CNTN5: variants seen among roughly 807,000 people sequenced by gnomAD.
CNTN5 encodes the protein contactin-5.
A neutral mutation model predicts 129.1 loss-of-function variants in CNTN5; 77 were observed. That is an observed-to-expected ratio of 0.60 (90% CI 0.50 to 0.72). The LOEUF (loss-of-function observed/expected upper bound fraction) is 0.72. Among genes scored for constraint, CNTN5 ranks in the 30% least tolerant of loss-of-function variants. The pLI, the probability that CNTN5 is intolerant of heterozygous loss-of-function variation, is 0.00. For missense variants in CNTN5, 1,478 were observed against 1,328.8 expected (o/e 1.11, Z -1.75); for synonymous variants, 509 against 465.6 (o/e 1.09, Z -1.20).
chr11:99,239,909 C>T (rs556935591), intron 1 of CNTN5, among the ~76,000 whole-genome samples: 1 of 148,852 alleles, frequency 6.7e-6, no homozygotes, highest in African/African-American at 2.5e-5. Flanking sequence ...TGTGCTCCAG[C>T]CTGGGCGACA....
chr11:99,544,477 T>C (rs536024067), intron 2 of CNTN5, among the ~76,000 whole-genome samples: 45 of 152,328 alleles, frequency 3.0e-4, no homozygotes, highest in African/African-American at 1.0e-3. Context: ...CATAATGAAA[T>C]TATTATCTGC....
At chr11:99,727,077 C>T (rs1479859887) in intron 3 of CNTN5, among the ~76,000 whole-genome samples, 4 of 150,828 alleles carry the variant, frequency 2.7e-5, no homozygotes, top group African/African-American at 7.3e-5. Context: ...GAGGCCGAGG[C>T]TGGTGGATCA....
At chr11:99,600,337 TC>T (rs1379523774) in intron 3 of CNTN5, among the ~76,000 whole-genome samples, 2 of 152,162 alleles carry the variant, frequency 1.3e-5, no homozygotes, top group Non-Finnish European at 2.9e-5. Context: ...AGGTTCATGT[TC>T]CCTGCTGAAA....
At chr11:100,006,409 C>T (rs1185869169) in intron 9 of CNTN5, among the ~76,000 whole-genome samples, 1 of 152,064 alleles carries the variant, frequency 6.6e-6, no homozygotes, top group Non-Finnish European at 1.5e-5. Context: ...GGAGTCAATC[C>T]TCTCTAACTC....
At chr11:100,074,081 A>G (rs1184717445) in intron 12 of CNTN5, 63 bp from the exon 13 acceptor site, 1 of 1,430,614 alleles carries the variant, frequency 7.0e-7, no homozygotes, top group Non-Finnish European at 9.6e-7. Flanking sequence ...GATCTTCATG[A>G]ATCACCCATT....
intron 13 of CNTN5, among the ~76,000 whole-genome samples, chr11:100,102,829 A>G (rs1181461483): frequency 1.3e-5 from 2 of 152,104 alleles, no homozygotes; most frequent in Non-Finnish European, 2.9e-5. Flanking sequence ...ATTACCAGCA[A>G]TCTGAACATT....
intron 3 of CNTN5, among the ~76,000 whole-genome samples, chr11:99,642,505 A>G (rs1346769750): frequency 6.6e-6 from 1 of 152,128 alleles, no homozygotes; most frequent in African/African-American, 2.4e-5. Flanking sequence ...AATTGTACAT[A>G]TTTACAGGGT....
intron 6 of CNTN5, among the ~76,000 whole-genome samples, chr11:99,911,792 C>A (rs777224578): frequency 6.6e-6 from 1 of 151,102 alleles, no homozygotes; most frequent in Non-Finnish European, 1.5e-5. Context: ...GTTTCTCTGC[C>A]AACTCTATTA....
intron 3 of CNTN5, among the ~76,000 whole-genome samples, chr11:99,781,666 G>C (rs962787239): frequency 1.3e-5 from 2 of 151,952 alleles, no homozygotes; most frequent in African/African-American, 4.8e-5. Flanking sequence ...AACAATTATG[G>C]GTTTCAATTC....
intron 9 of CNTN5, among the ~76,000 whole-genome samples, chr11:100,044,357 G>A (rs781721410): frequency 5.9e-5 from 9 of 152,164 alleles, no homozygotes; most frequent in Middle Eastern, 3.4e-3. Context: ...CAATGAAATT[G>A]CTGAATTGAA....
intron 3 of CNTN5, among the ~76,000 whole-genome samples, chr11:99,620,495 CTT>C (rs1025380114): frequency 1.6e-5 from 2 of 126,386 alleles, no homozygotes; most frequent in African/African-American, 5.4e-5. Flanking sequence ...TCTTAAAACT[CTT>C]TTTTTCTTTT....
intron 13 of CNTN5, among the ~76,000 whole-genome samples, chr11:100,074,729 C>T (rs1944057881): frequency 6.6e-6 from 1 of 152,052 alleles, no homozygotes. Context: ...TATGCCAATG[C>T]TTGTCTTTTT....
intron 13 of CNTN5, among the ~76,000 whole-genome samples, chr11:100,147,553 A>G (rs1946894040): frequency 6.6e-6 from 1 of 151,960 alleles, no homozygotes; most frequent in African/African-American, 2.4e-5. Context: ...GGAAGCCGCG[A>G]TTTATACACA....
At chr11:99,346,803 C>A (rs1937911806) in intron 2 of CNTN5, among the ~76,000 whole-genome samples, 1 of 152,194 alleles carries the variant, frequency 6.6e-6, no homozygotes, top group Admixed American at 6.5e-5. Context: ...CACAAGCTCG[C>A]TCTCTCCTGT....
intron 3 of CNTN5, among the ~76,000 whole-genome samples, chr11:99,586,140 T>C (rs1456526147): frequency 6.6e-6 from 1 of 152,174 alleles, no homozygotes; most frequent in Admixed American, 6.5e-5. Flanking sequence ...CTGGTTTCTG[T>C]GCAATCAGTT....
chr11:99,096,938 T>G (rs1866493400), intron 1 of CNTN5, among the ~76,000 whole-genome samples: 1 of 151,904 alleles, frequency 6.6e-6, no homozygotes, highest in Non-Finnish European at 1.5e-5. Flanking sequence ...ATTTATAAAT[T>G]TAATTAGGAG....
intron 3 of CNTN5, among the ~76,000 whole-genome samples, chr11:99,747,375 C>A (rs931794576): frequency 6.7e-5 from 10 of 150,278 alleles, no homozygotes; most frequent in African/African-American, 2.4e-4. Context: ...AATTTTACTT[C>A]TTTTCCAATT....
intron 3 of CNTN5, among the ~76,000 whole-genome samples, chr11:99,762,462 C>G (rs1408118044): frequency 6.6e-6 from 1 of 151,794 alleles, no homozygotes; most frequent in African/African-American, 2.4e-5. Flanking sequence ...AGGAAGGGAT[C>G]CAGTTTCAGC....
chr11:100,085,426 A>T (rs1341402389), intron 13 of CNTN5, among the ~76,000 whole-genome samples: 1 of 152,102 alleles, frequency 6.6e-6, no homozygotes, highest in Non-Finnish European at 1.5e-5. Flanking sequence ...GTCTATGAAC[A>T]GTTATATTCA....
Sources: gnomAD v4.1 joint callset for allele counts (sites outside exome capture counted in the v4.1 genomes callset) on GRCh38, gnomAD v4.1.1 for gene constraint, MANE v1.5 for transcripts, NCBI Gene and HGNC (gene_info 2026-07-23, HGNC 2026-07-21) for gene names.